MACROD2: variants seen among roughly 807,000 people sequenced by gnomAD.
The protein encoded by MACROD2 is ADP-ribose glycohydrolase MACROD2.
Under a neutral mutation model 70.4 loss-of-function variants are expected in MACROD2, and 36 were observed. That is an observed-to-expected ratio of 0.51 (90% confidence interval 0.39 to 0.68). MACROD2 has a LOEUF of 0.68. Ranked by LOEUF, MACROD2 falls within the 30% of genes least tolerant of loss-of-function variation. The pLI, the probability that MACROD2 is intolerant of heterozygous loss-of-function variation, is 0.00. For missense variants in MACROD2, 496 were observed against 538.4 expected (o/e 0.92, Z 0.78); for synonymous variants, 172 against 178.8 (o/e 0.96, Z 0.30).
chr20:14,508,865 T>C (rs911287972), intron 4 of MACROD2, among the ~76,000 whole-genome samples: 3 of 152,164 alleles, frequency 2.0e-5, no homozygotes, highest in African/African-American at 7.2e-5. Flanking sequence ...TATCTATCCA[T>C]GTAGCCACCT....
At chr20:14,493,164 G>A (rs1004572661) in intron 3 of MACROD2, among the ~76,000 whole-genome samples, 1 of 151,842 alleles carries the variant, frequency 6.6e-6, no homozygotes, top group African/African-American at 2.4e-5. Context: ...TTGATAAAAT[G>A]GAGAGCTCAG....
chr20:15,985,943 T>C (rs1355595116), intron 13 of MACROD2: 1 of 152,174 alleles, frequency 6.6e-6, no homozygotes, highest in African/African-American at 2.4e-5. Context: ...AGGGTCGTGA[T>C]TGATTTGAGC....
At chr20:15,821,324 G>A (rs74556974) in intron 8 of MACROD2, among the ~76,000 whole-genome samples, 3,219 of 151,580 alleles carry the variant, frequency 0.021, 122 homozygotes, top group African/African-American at 0.073. Flanking sequence ...CCCTCACTCC[G>A]CAGGACATAT....
intron 4 of MACROD2, among the ~76,000 whole-genome samples, chr20:14,668,798 T>C (rs1173099226): frequency 2.6e-5 from 4 of 152,036 alleles, no homozygotes; most frequent in Non-Finnish European, 5.9e-5. Context: ...TCCATGAAAA[T>C]TTAGAAGTTA....
intron 10 of MACROD2, among the ~76,000 whole-genome samples, chr20:15,915,999 A>G (rs1352140726): frequency 6.6e-6 from 1 of 152,222 alleles, no homozygotes; most frequent in East Asian, 1.9e-4. Flanking sequence ...GGTAAAATGT[A>G]TGAAGATTAA....
chr20:14,533,714 C>G (rs1015937891), intron 4 of MACROD2, among the ~76,000 whole-genome samples: 4 of 152,062 alleles, frequency 2.6e-5, no homozygotes, highest in Non-Finnish European at 5.9e-5. Context: ...TTCTCATATA[C>G]TATTGTATAC....
At chr20:15,040,582 T>C (rs1490550127) in intron 5 of MACROD2, among the ~76,000 whole-genome samples, 2 of 152,152 alleles carry the variant, frequency 1.3e-5, no homozygotes, top group African/African-American at 4.8e-5. Flanking sequence ...GGTCTTTATC[T>C]CATGTTTCAT....
intron 5 of MACROD2, among the ~76,000 whole-genome samples, chr20:14,843,668 C>T (rs1317206070): frequency 7.2e-5 from 11 of 152,110 alleles, no homozygotes; most frequent in Admixed American, 2.0e-4. Flanking sequence ...TGTTTACCTC[C>T]TTTCTTTTTG....
rs1015077355 is a variant in MACROD2 at position 15,860,901 on chromosome 20, G to A, written c.646-1844G>A. Among the ~76,000 whole-genome samples, 4 of 152,304 alleles carry A rather than the reference G, an allele frequency of 2.6e-5. No homozygotes were observed. The East Asian group carries it at 7.7e-4, about 29-fold the overall frequency. On this transcript the variant is annotated intron_variant, in intron 8 of 17. Coordinates refer to ENST00000684519, the MANE Select transcript of MACROD2 (RefSeq NM_001351661.2). Reference sequence around the variant, plus strand: ...ATTGCAGGTGATTCTGGGCTCCACTGAAGGGGCATGAAGGGCTTTTGTAGA... The same window carrying A: ...ATTGCAGGTGATTCTGGGCTCCACTAAAGGGGCATGAAGGGCTTTTGTAGA...
chr20:15,668,152 C>T (rs185533290), intron 8 of MACROD2, among the ~76,000 whole-genome samples: 3 of 151,734 alleles, frequency 2.0e-5, no homozygotes, highest in South Asian at 2.1e-4. Flanking sequence ...CCCAGCTACT[C>T]GGGAGGCTGA....
chr20:14,240,715 G>A (rs567175064), intron 3 of MACROD2, among the ~76,000 whole-genome samples: 4 of 152,192 alleles, frequency 2.6e-5, no homozygotes, highest in East Asian at 3.9e-4. Context: ...AGGACATGAG[G>A]ATCAAAAGCT....
At chr20:14,661,801 C>A (rs1986240466) in intron 4 of MACROD2, among the ~76,000 whole-genome samples, 1 of 151,782 alleles carries the variant, frequency 6.6e-6, no homozygotes, top group South Asian at 2.1e-4. Context: ...CATCTCAATT[C>A]TTTTCAAAAA....
chr20:15,759,269 A>G (rs1277897691), intron 8 of MACROD2, among the ~76,000 whole-genome samples: 1 of 152,148 alleles, frequency 6.6e-6, no homozygotes, highest in Non-Finnish European at 1.5e-5. Flanking sequence ...TTCACTAAGA[A>G]TATAATGAAT....
chr20:15,906,996 G>T (rs1405983572), intron 10 of MACROD2, among the ~76,000 whole-genome samples: 1 of 152,190 alleles, frequency 6.6e-6, no homozygotes, highest in Admixed American at 6.5e-5. Context: ...CTTGTGGGAA[G>T]GCACAATGAA....
Position 15,729,831 on chromosome 20 carries a change from C to CTTTTTTTTTTTTTTTGTTT in MACROD2, c.646-132898_646-132897insTTTTTTTTTTTTTTTTTTG, listed in dbSNP as rs2050919520. 3.1e-5 allele frequency among the ~76,000 whole-genome samples: 2 copies of CTTTTTTTTTTTTTTTGTTT among 64,772 alleles called. 1 individual carries two copies. Among genetic ancestry groups the CTTTTTTTTTTTTTTTGTTT allele is most frequent in the Non-Finnish European group, 5.6e-5 (2 of 35,870 alleles). The allele number at this position is 64,772 out of a possible 152,430, so 42.5% of individuals were successfully genotyped here. On this transcript the variant is annotated intron_variant, in intron 8 of 17. Coordinates refer to ENST00000684519, the MANE Select transcript of MACROD2 (RefSeq NM_001351661.2). Reference sequence around the variant, plus strand: ...GAACACAGCATGCAGTTGGGTCATGCTTTTTTTTTTTTTTTGGATGGAGTT... The same window carrying CTTTTTTTTTTTTTTTGTTT: ...GAACACAGCATGCAGTTGGGTCATGCTTTTTTTTTTTTTTTGTTTTTTTTTTTTTTTTTTGGATGGAGTT...
At chr20:14,878,683 T>G (rs2073577438) in intron 5 of MACROD2, among the ~76,000 whole-genome samples, 1 of 152,144 alleles carries the variant, frequency 6.6e-6, no homozygotes, top group Admixed American at 6.5e-5. Context: ...GGATGAATTC[T>G]TTTATTTTTT....
At chr20:14,511,534 C>T (rs984162727) in intron 4 of MACROD2, among the ~76,000 whole-genome samples, 9 of 151,906 alleles carry the variant, frequency 5.9e-5, no homozygotes, top group African/African-American at 1.9e-4. Context: ...AAAATGGCTT[C>T]GATGGCTTCA....
At chr20:14,561,852 G>A (rs1979455050) in intron 4 of MACROD2, among the ~76,000 whole-genome samples, 1 of 151,742 alleles carries the variant, frequency 6.6e-6, no homozygotes, top group Non-Finnish European at 1.5e-5. Flanking sequence ...CATACATAAA[G>A]AATGAACTTT....
chr20:15,755,291 G>A (rs2051332193), intron 8 of MACROD2, among the ~76,000 whole-genome samples: 1 of 152,206 alleles, frequency 6.6e-6, no homozygotes, highest in Admixed American at 6.5e-5. Flanking sequence ...GTGCATTTCA[G>A]ATGTGGGTTG....
Sources: gnomAD v4.1 joint callset for allele counts (sites outside exome capture counted in the v4.1 genomes callset) on GRCh38, gnomAD v4.1.1 for gene constraint, MANE v1.5 for transcripts, NCBI Gene and HGNC (gene_info 2026-07-23, HGNC 2026-07-21) for gene names.